Variants in LHX8 observed in about 807,000 individuals in gnomAD.
LHX8 encodes the protein LIM/homeobox protein Lhx8.
Under a neutral mutation model 40.3 loss-of-function variants are expected in LHX8, and 12 were observed. The observed-to-expected ratio is 0.30, with a 90% CI of 0.19 to 0.48. The LOEUF is 0.48. LHX8 is among the 20% of genes least tolerant of loss of function. The pLI, the probability that LHX8 is intolerant of heterozygous loss-of-function variation, is 0.99. For synonymous variants in LHX8, 179 were observed against 162.0 expected, an observed-to-expected ratio of 1.10 and a Z score of -0.80; for missense variants, 344 against 433.7, an observed-to-expected ratio of 0.79 and a Z score of 1.84.
upstream of LHX8, among the ~76,000 whole-genome samples, chr1:75,134,099 G>T (rs1648044651): frequency 6.6e-6 from 1 of 152,044 alleles, no homozygotes; most frequent in Non-Finnish European, 1.5e-5. Flanking sequence ...GGTTTGGGTT[G>T]GGGAGCGAGA....
the LHX8 span, among the ~76,000 whole-genome samples, chr1:75,194,351 C>T: frequency 6.6e-6 from 1 of 152,204 alleles, no homozygotes; most frequent in African/African-American, 2.4e-5. Context: ...GTGTCCACTG[C>T]AGTCTCCTGG....
chr1:75,140,970 C>G lies in LHX8; in HGVS notation c.238-15C>G. 6.2e-7 allele frequency: 1 copy of G among 1,613,278 alleles called. No homozygotes were observed. The highest frequency in any genetic ancestry group is 8.5e-7 in the Non-Finnish European group (1 of 1,179,432). Reference sequence around the variant, plus strand: ...CTTAAATATGATATTACAATGGCTTCTCTTCCCTTCACAGGTGAATGACCT... The same window carrying G: ...CTTAAATATGATATTACAATGGCTTGTCTTCCCTTCACAGGTGAATGACCT... On this transcript the variant is annotated splice_polypyrimidine_tract_variant and intron_variant, in intron 3 of 8. Coordinates refer to ENST00000356261, the MANE Select transcript of LHX8 (RefSeq NM_001256114.2).
the LHX8 span, among the ~76,000 whole-genome samples, chr1:75,192,110 T>C: frequency 6.6e-6 from 1 of 152,226 alleles, no homozygotes. Flanking sequence ...ACCTATTTCA[T>C]ATAGTTGTTT....
At chr1:75,130,685 C>T (rs200867886), upstream of LHX8, 103 of 1,611,006 alleles carry the variant, frequency 6.4e-5, no homozygotes, top group Non-Finnish European at 7.9e-5. Context: ...AAGGTGAGCC[C>T]GTATACAGCT....
At chr1:75,160,709 C>T (rs1648893985) in intron 8 of LHX8, 110 bp from the exon 9 acceptor site, 1 of 783,990 alleles carries the variant, frequency 1.3e-6, no homozygotes, top group Admixed American at 1.8e-5. Flanking sequence ...GCTTGGTGCC[C>T]TCAGCTATAA....
At chr1:75,140,220 G>A (rs962954222) in intron 3 of LHX8, among the ~76,000 whole-genome samples, 1 of 152,122 alleles carries the variant, frequency 6.6e-6, no homozygotes, top group African/African-American at 2.4e-5. Context: ...ATAAAATACT[G>A]GCCTTATTAA....
At chr1:75,169,721 A>T in the LHX8 span, among the ~76,000 whole-genome samples, 1 of 152,298 alleles carries the variant, frequency 6.6e-6, no homozygotes, top group Non-Finnish European at 1.5e-5. Context: ...CTGCCAGCCC[A>T]CAGCTCCATT....
the LHX8 span, among the ~76,000 whole-genome samples, chr1:75,192,206 T>C: frequency 6.6e-6 from 1 of 152,236 alleles, no homozygotes; most frequent in Non-Finnish European, 1.5e-5. Flanking sequence ...ATAGTTGTCA[T>C]ATAATAAGCA....
chr1:75,142,905 T>G (rs2100340367), intron 4 of LHX8, among the ~76,000 whole-genome samples: 1 of 152,304 alleles, frequency 6.6e-6, no homozygotes, highest in South Asian at 2.1e-4. Flanking sequence ...AAGGTCTTAT[T>G]TTTATAAACA....
chr1:75,188,594 C>T, the LHX8 span, among the ~76,000 whole-genome samples: 1 of 152,180 alleles, frequency 6.6e-6, no homozygotes, highest in Admixed American at 6.6e-5. Flanking sequence ...CTTCTTTTGT[C>T]CTTATGGAGC....
chr1:75,128,502 T>C (rs1647878200), exon 1 of LHX8: 1 of 152,190 alleles, frequency 6.6e-6, no homozygotes. Context: ...ATCCATTTAC[T>C]GAAAGTGTCC....
At chr1:75,184,163 C>T in the LHX8 span, among the ~76,000 whole-genome samples, 2 of 152,092 alleles carry the variant, frequency 1.3e-5, no homozygotes, top group African/African-American at 2.4e-5. Context: ...ACTTAGACTC[C>T]CACACAATAA....
chr1:75,184,243 C>T, the LHX8 span, among the ~76,000 whole-genome samples: 1 of 152,102 alleles, frequency 6.6e-6, no homozygotes, highest in Non-Finnish European at 1.5e-5. Flanking sequence ...TACTCAGGAC[C>T]TGAACTCAAC....
At position 75,149,089 on chromosome 1, in the gene LHX8, C is replaced by A. The variant is rs1570296824; in HGVS notation, c.780+407C>A. Among the ~76,000 whole-genome samples, 3 of 152,168 alleles carry A rather than the reference C, an allele frequency of 2.0e-5. No homozygotes were observed. In the South Asian group the frequency reaches 6.2e-4, roughly 32 times the overall value. On this transcript the variant is annotated intron_variant, in intron 7 of 8. Transcript: ENST00000356261. ...TCAGTACTCACAGCAACCCTAAGAT[C>A]CTCAGGCTAAACATGTTCCAAGATA...
At chr1:75,195,508 G>A in the LHX8 span, among the ~76,000 whole-genome samples, 1 of 152,020 alleles carries the variant, frequency 6.6e-6, no homozygotes, top group African/African-American at 2.4e-5. Flanking sequence ...TTATTTCTCA[G>A]TCATTGTGTA....
the LHX8 span, among the ~76,000 whole-genome samples, chr1:75,174,790 CT>C: frequency 9.3e-5 from 14 of 150,504 alleles, no homozygotes; most frequent in African/African-American, 3.4e-4. Context: ...TCCTGGTTTT[CT>C]TTTTTTTTCA....
the LHX8 span, among the ~76,000 whole-genome samples, chr1:75,171,965 G>A: frequency 1.6e-4 from 24 of 152,116 alleles, no homozygotes; most frequent in Non-Finnish European, 2.8e-4. Flanking sequence ...TGTGTAGGGC[G>A]AGAAATACTG....
chr1:75,140,957 A>C (rs1648294653), intron 3 of LHX8, 28 bp from the exon 4 acceptor site: 2 of 1,612,630 alleles, frequency 1.2e-6, no homozygotes, highest in East Asian at 4.5e-5. Flanking sequence ...TAAATATGAT[A>C]TTACAATGGC....
In LHX8 at chr1:75,143,114, G is replaced by A; in HGVS notation, c.360-4G>A. 1 of 1,610,864 alleles carries A rather than the reference G, an allele frequency of 6.2e-7. No homozygotes were observed. Among genetic ancestry groups the A allele is most frequent in the Non-Finnish European group, 8.5e-7 (1 of 1,177,364 alleles). ...TTTACCTTCCACACCTCTATTTAAT[G>A]TAGAAGGTATGGAACTCGCTGCTCT... On this transcript the variant is annotated splice_region_variant and splice_polypyrimidine_tract_variant and intron_variant, in intron 4 of 8. Coordinates refer to ENST00000356261, the MANE Select transcript of LHX8 (RefSeq NM_001256114.2).
Sources: gnomAD v4.1 joint callset for allele counts (sites outside exome capture counted in the v4.1 genomes callset) on GRCh38, gnomAD v4.1.1 for gene constraint, MANE v1.5 for transcripts, NCBI Gene and HGNC (gene_info 2026-07-23, HGNC 2026-07-21) for gene names.